The following INPP4A variants were observed in gnomAD, a reference collection of about 807,000 sequenced individuals.
The protein encoded by INPP4A is inositol polyphosphate-4-phosphatase type I A.
In INPP4A, 33 loss-of-function variants were observed where a neutral mutation model predicts 119.8. The observed-to-expected ratio is 0.28, with a 90% CI of 0.21 to 0.37. The LOEUF (loss-of-function observed/expected upper bound fraction) is 0.37, where lower values mean the gene tolerates loss of function less well. Ranked by LOEUF, INPP4A falls within the 10% of genes least tolerant of loss-of-function variation. The pLI is 1.00. For synonymous variants in INPP4A, 496 were observed against 500.7 expected, an observed-to-expected ratio of 0.99 and a Z score of 0.12; for missense variants, 956 against 1,289.9, an observed-to-expected ratio of 0.74 and a Z score of 3.97.
chr2:98,472,779 A>G (rs1275279997), intron 1 of INPP4A, among the ~76,000 whole-genome samples: 1 of 152,254 alleles, frequency 6.6e-6, no homozygotes, highest in Non-Finnish European at 1.5e-5. Context: ...TGGGGCCCAG[A>G]AAGGGCAGTG....
intron 17 of INPP4A, 74 bp downstream of exon 17, chr2:98,559,569 T>C: frequency 6.9e-7 from 1 of 1,454,724 alleles, no homozygotes; most frequent in Non-Finnish European, 9.5e-7. Context: ...GTAGCTAAAT[T>C]ACAAAAGATT....
At chr2:98,478,336 T>G (rs1217345385) in intron 1 of INPP4A, among the ~76,000 whole-genome samples, 1 of 152,186 alleles carries the variant, frequency 6.6e-6, no homozygotes, top group African/African-American at 2.4e-5. Context: ...TTCCTGTCGC[T>G]TGGGACCAGG....
intron 1 of INPP4A, among the ~76,000 whole-genome samples, chr2:98,504,736 G>A (rs1233791944): frequency 1.3e-5 from 2 of 152,196 alleles, no homozygotes; most frequent in Non-Finnish European, 1.5e-5. Flanking sequence ...TAGAAGGCAG[G>A]CTTTCCTAGT....
intron 1 of INPP4A, among the ~76,000 whole-genome samples, chr2:98,517,311 G>A (rs547159333): frequency 6.6e-6 from 1 of 152,294 alleles, no homozygotes; most frequent in African/African-American, 2.4e-5. Flanking sequence ...GAATGTTGCT[G>A]TTCTAAACCT....
chr2:98,542,540 A>G (rs906013998), intron 10 of INPP4A, among the ~76,000 whole-genome samples: 2 of 152,214 alleles, frequency 1.3e-5, no homozygotes, highest in Non-Finnish European at 2.9e-5. Flanking sequence ...GTATTTCCAC[A>G]TATATGTGTA....
intron 1 of INPP4A, among the ~76,000 whole-genome samples, chr2:98,495,795 G>A (rs1681810178): frequency 6.6e-6 from 1 of 152,006 alleles, no homozygotes; most frequent in South Asian, 2.1e-4. Context: ...AGGCTTTAGA[G>A]CTCTTATACG....
chr2:98,584,671 T>C (rs1699752770), intron 24 of INPP4A, among the ~76,000 whole-genome samples: 1 of 152,254 alleles, frequency 6.6e-6, no homozygotes, highest in Non-Finnish European at 1.5e-5. Context: ...GTTTCTCTCC[T>C]CCAGGGTCTG....
chr2:98,554,504 G>C lies in INPP4A; in HGVS notation c.1566+15G>C, dbSNP rs778600798. ...AGGAGGAGTGGGTGAGTCTGCTGCT[G>C]TGGCTGTCATCCCACTGCTGAACTT... On this transcript the variant is annotated intron_variant, in intron 15 of 24. Coordinates refer to ENST00000409851, the MANE Select transcript of INPP4A (RefSeq NM_001134225.2). This position sits in a 1 kb window ranked among gnomAD's most constrained non-coding sequence, Gnocchi z 4.7. The C allele has an allele frequency of 6.2e-7, 1 of 1,607,536 alleles. No individual in the cohort carries two copies. The highest frequency in any genetic ancestry group is 1.1e-5 in the South Asian group (1 of 90,234).
intron 16 of INPP4A, chr2:98,556,075 T>A: frequency 2.2e-6 from 1 of 448,078 alleles, no homozygotes; most frequent in Non-Finnish European, 4.0e-6. Flanking sequence ...CCACCATGGC[T>A]ATAAGGGTTG....
chr2:98,468,675 CTT>C (rs1312494368), intron 1 of INPP4A, among the ~76,000 whole-genome samples: 1 of 152,136 alleles, frequency 6.6e-6, no homozygotes, highest in Non-Finnish European at 1.5e-5. Context: ...TGTGGCATTT[CTT>C]TTTGATGGTT....
intron 4 of INPP4A, among the ~76,000 whole-genome samples, chr2:98,522,121 CTACAAAAA>C (rs1320621639): frequency 1.3e-5 from 2 of 151,608 alleles, no homozygotes; most frequent in African/African-American, 4.8e-5. Flanking sequence ...AACCCTGTGT[CTACAAAAA>C]TACAAAAATT....
intron 1 of INPP4A, among the ~76,000 whole-genome samples, chr2:98,485,428 C>T (rs967473972): frequency 1.3e-5 from 2 of 152,086 alleles, no homozygotes; most frequent in Non-Finnish European, 2.9e-5. Flanking sequence ...GTTTCCCTCT[C>T]TATATTTTCC....
At chr2:98,521,446 AC>A (rs1168962558) in intron 4 of INPP4A, 1 of 152,210 alleles carries the variant, frequency 6.6e-6, no homozygotes, top group Non-Finnish European at 1.5e-5. Flanking sequence ...GAGTCAGATG[AC>A]CTGGATTCCA....
chr2:98,452,307 A>G (rs1425305446), intron 1 of INPP4A, among the ~76,000 whole-genome samples: 4 of 152,212 alleles, frequency 2.6e-5, no homozygotes, highest in Non-Finnish European at 5.9e-5. Flanking sequence ...GACCAGTAGC[A>G]TCAGCATTAC....
At chr2:98,549,280 G>A (rs1693056203) in intron 13 of INPP4A, among the ~76,000 whole-genome samples, 1 of 152,110 alleles carries the variant, frequency 6.6e-6, no homozygotes, top group South Asian at 2.1e-4. Flanking sequence ...TGGGTGCTGG[G>A]TTCTCATGTC....
At chr2:98,506,589 G>A (rs1036296895) in intron 1 of INPP4A, among the ~76,000 whole-genome samples, 1 of 152,254 alleles carries the variant, frequency 6.6e-6, no homozygotes, top group African/African-American at 2.4e-5. Context: ...AGGTGAGCGG[G>A]CAGAAGGCAC....
chr2:98,487,147 A>G (rs1407640492), intron 1 of INPP4A, among the ~76,000 whole-genome samples: 1 of 152,248 alleles, frequency 6.6e-6, no homozygotes, highest in East Asian at 1.9e-4. Context: ...CATGTTAATC[A>G]CCATGGTACA....
intron 10 of INPP4A, among the ~76,000 whole-genome samples, chr2:98,541,273 G>A (rs953678609): frequency 4.6e-5 from 7 of 151,222 alleles, no homozygotes; most frequent in Non-Finnish European, 1.0e-4. Context: ...CTTGCAGTGA[G>A]CCGAGATCAC....
intron 1 of INPP4A, among the ~76,000 whole-genome samples, chr2:98,501,395 A>G (rs1345756165): frequency 6.6e-6 from 1 of 152,204 alleles, no homozygotes; most frequent in Non-Finnish European, 1.5e-5. Flanking sequence ...GGTAGAAGCA[A>G]TGATTTCCTG....
Sources: allele counts gnomAD v4.1 joint callset (sites outside exome capture counted in the v4.1 genomes callset), GRCh38; gene constraint gnomAD v4.1.1; non-coding constraint Gnocchi (gnomAD v3.1); transcripts MANE v1.5; gene names NCBI Gene and HGNC (gene_info 2026-07-23, HGNC 2026-07-21).